The following ADAMTS3 variants were observed in gnomAD, a reference collection of about 807,000 sequenced individuals.
The protein encoded by ADAMTS3 is ADAM metallopeptidase with thrombospondin type 1 motif 3, also known as A disintegrin and metalloproteinase with thrombospondin motifs 3.
Under a neutral mutation model 129.0 loss-of-function variants are expected in ADAMTS3, and 73 were observed. That is an observed-to-expected ratio of 0.57 (90% CI 0.47 to 0.69). ADAMTS3 has a LOEUF of 0.69. ADAMTS3 is among the 30% of genes least tolerant of loss of function. The probability of loss-of-function intolerance (pLI) is 0.00; values close to 1 mark genes in which losing one functional copy is unlikely to be tolerated. For missense variants in ADAMTS3, 1,457 were observed against 1,514.5 expected, an observed-to-expected ratio of 0.96 and a Z score of 0.63; for synonymous variants, 477 against 510.8, an observed-to-expected ratio of 0.93 and a Z score of 0.89.
At position 72,519,540 on chromosome 4, in the gene ADAMTS3, T is replaced by C. The variant is rs181159699; in HGVS notation, c.504+28938A>G. ...TTCTTGGAGGCTTTGTTCATTTCTT[T>C]TTATTCTTTTTTCTCTAAACTTCCC... On this transcript the variant is annotated intron_variant, in intron 3 of 21. Coordinates refer to ENST00000286657, the MANE Select transcript of ADAMTS3 (RefSeq NM_014243.3). Among the ~76,000 whole-genome samples the C allele has an allele frequency of 5.4e-3, 822 of 152,274 alleles. 13 individuals are homozygous for C. The highest frequency in any genetic ancestry group is 0.019 in the African/African-American group (780 of 41,530).
At chr4:72,337,740 G>T (rs529364188) in intron 5 of ADAMTS3, among the ~76,000 whole-genome samples, 22 of 152,198 alleles carry the variant, frequency 1.4e-4, no homozygotes, top group African/African-American at 5.1e-4. Flanking sequence ...TAGCATTTAT[G>T]ATATACTGCC....
At chr4:72,428,553 A>AT (rs1258864349) in intron 3 of ADAMTS3, among the ~76,000 whole-genome samples, 1 of 152,008 alleles carries the variant, frequency 6.6e-6, no homozygotes, top group Non-Finnish European at 1.5e-5. Flanking sequence ...TTAAATGCTC[A>AT]TTTTTTTATG....
intron 3 of ADAMTS3, among the ~76,000 whole-genome samples, chr4:72,521,476 A>T (rs1720670474): frequency 6.6e-6 from 1 of 152,174 alleles, no homozygotes; most frequent in Non-Finnish European, 1.5e-5. Context: ...ATTTTGTTTC[A>T]AGCTCACTGA....
At chr4:72,285,412 A>C (rs1718478393) in intron 21 of ADAMTS3, among the ~76,000 whole-genome samples, 1 of 152,090 alleles carries the variant, frequency 6.6e-6, no homozygotes, top group Non-Finnish European at 1.5e-5. Context: ...AAATAAGAAA[A>C]ATGTCTTCTT....
intron 4 of ADAMTS3, among the ~76,000 whole-genome samples, chr4:72,357,570 T>C (rs1431626613): frequency 6.6e-6 from 1 of 151,868 alleles, no homozygotes; most frequent in East Asian, 1.9e-4. Flanking sequence ...TACATATATG[T>C]GTGTGAATGT....
chr4:72,548,690 T>G lies in ADAMTS3; in HGVS notation c.292A>C (p.Asn98His), dbSNP rs1316187236. 6.2e-7 allele frequency: 1 copy of G among 1,614,046 alleles called. No homozygotes were observed. The change falls in exon 3 of 22, where the codon AAC becomes CAC. Residue 98 changes from asparagine (N) to histidine (H), a missense_variant. Physicochemically the swap from Asn to His is moderately conservative, Grantham distance 68 (BLOSUM62 1). Transcript: ENST00000286657. ...GKDFHLRLKP[N>H]TQLVAPGAVV... ...GCCCCAGGAGCTACTAGTTGAGTGTTGGGCTTTAGTCGCAGATGAAAATCT... is the reference window on the plus strand; with the variant it reads ...GCCCCAGGAGCTACTAGTTGAGTGTGGGGCTTTAGTCGCAGATGAAAATCT...
chr4:72,523,291 CTT>C (rs1366386047), intron 3 of ADAMTS3, among the ~76,000 whole-genome samples: 6 of 152,022 alleles, frequency 3.9e-5, no homozygotes, highest in Admixed American at 1.3e-4. Flanking sequence ...AGTAATATCT[CTT>C]TGTTTATTTC....
chr4:72,306,134 G>T, intron 15 of ADAMTS3, 67 bp from the exon 16 acceptor site: 1 of 1,224,164 alleles, frequency 8.2e-7, no homozygotes, highest in Non-Finnish European at 1.2e-6. Context: ...ATGGTTAGTT[G>T]AGCACTACAT....
intron 3 of ADAMTS3, among the ~76,000 whole-genome samples, chr4:72,435,777 G>T (rs2109953732): frequency 6.6e-6 from 1 of 152,022 alleles, no homozygotes. Context: ...TTAATAAATG[G>T]TGCTGAGAAA....
chr4:72,337,566 T>C (rs1188219578), intron 5 of ADAMTS3, among the ~76,000 whole-genome samples: 1 of 152,164 alleles, frequency 6.6e-6, no homozygotes, highest in African/African-American at 2.4e-5. Context: ...AATTTTGTAA[T>C]GATGAAAACT....
intron 17 of ADAMTS3, 124 bp from the exon 18 acceptor site, chr4:72,298,566 TATA>T (rs878954128): frequency 1.1e-4 from 75 of 701,722 alleles, no homozygotes; most frequent in South Asian, 3.0e-4. Flanking sequence ...TTTCAAAAAT[TATA>T]ATGTTTTTAT....
At chr4:72,514,388 A>T (rs911115593) in intron 3 of ADAMTS3, among the ~76,000 whole-genome samples, 1 of 152,146 alleles carries the variant, frequency 6.6e-6, no homozygotes, top group African/African-American at 2.4e-5. Flanking sequence ...ACATGAATCT[A>T]TTGAGGGTGG....
intron 3 of ADAMTS3, among the ~76,000 whole-genome samples, chr4:72,523,259 A>G (rs966225803): frequency 3.9e-5 from 6 of 152,088 alleles, no homozygotes; most frequent in Non-Finnish European, 5.9e-5. Context: ...AACTTTTACA[A>G]TTTTTACAAT....
intron 4 of ADAMTS3, among the ~76,000 whole-genome samples, chr4:72,342,675 A>G (rs1331829857): frequency 2.0e-5 from 3 of 152,014 alleles, no homozygotes; most frequent in African/African-American, 7.2e-5. Context: ...CCTGGCCCCA[A>G]TTACTTCTGT....
rs756072715 is a variant in ADAMTS3, at chr4:72,304,018, G to A, written c.2323C>T (p.Arg775Trp). 63 of 1,613,542 alleles carry A rather than the reference G, an allele frequency of 3.9e-5. No homozygotes were observed. The highest frequency in any genetic ancestry group is 4.9e-5 in the Non-Finnish European group (58 of 1,179,714). The change falls in exon 17 of 22, where the codon CGG (arginine) becomes TGG (tryptophan). Residue 775 changes from arginine (R) to tryptophan (W), a missense_variant. Coordinates refer to ENST00000286657, the MANE Select transcript of ADAMTS3 (RefSeq NM_014243.3). ...LNGKGEEAKS[R>W]TFIDLGVEWD... ...TCCACACCAAGATCTATGAAGGTCC[G>A]CGACTTGGCTTCCTCCCCTTTGCCA...
At chr4:72,446,080 C>T (rs1159802845) in intron 3 of ADAMTS3, among the ~76,000 whole-genome samples, 1 of 151,624 alleles carries the variant, frequency 6.6e-6, no homozygotes, top group African/African-American at 2.4e-5. Context: ...GACTCAGTTG[C>T]TCAACTTGAC....
chr4:72,523,582 A>C (rs768390694), intron 3 of ADAMTS3, among the ~76,000 whole-genome samples: 1 of 152,242 alleles, frequency 6.6e-6, no homozygotes, highest in South Asian at 2.1e-4. Flanking sequence ...AAGATTAAAA[A>C]CAAAGATCTA....
At position 72,288,787 on chromosome 4, in the gene ADAMTS3, C is replaced by T; in HGVS notation, c.3013G>A (p.Glu1005Lys). 6.2e-7 allele frequency: 1 copy of T among 1,613,990 alleles called. No individual in the cohort carries two copies. The highest frequency in any genetic ancestry group is 8.5e-7 in the Non-Finnish European group (1 of 1,179,952). The change falls in exon 21 of 22, where the codon GAG becomes AAG. Residue 1005 changes from glutamate (E) to lysine (K), a missense_variant. By Grantham distance (56) the Glu-to-Lys change is moderately conservative. Coordinates refer to ENST00000286657, the MANE Select transcript of ADAMTS3 (RefSeq NM_014243.3). Reference sequence around the variant, plus strand: ...GGCAGTTGACAGGCTCTGACCGACTCAGGCTTTTCACCATCACAGTGGTCC... The same window carrying T: ...GGCAGTTGACAGGCTCTGACCGACTTAGGCTTTTCACCATCACAGTGGTCC... ...AGDHCDGEKP[E>K]SVRACQLPPC...
chr4:72,377,419 A>C (rs906189541), intron 4 of ADAMTS3, among the ~76,000 whole-genome samples: 19 of 152,192 alleles, frequency 1.2e-4, no homozygotes, highest in African/African-American at 4.6e-4. Flanking sequence ...GAAATACCAA[A>C]GAGGAAAAAG....
Sources: allele counts gnomAD v4.1 joint callset (sites outside exome capture counted in the v4.1 genomes callset), GRCh38; gene constraint gnomAD v4.1.1; transcripts MANE v1.5; gene names NCBI Gene and HGNC (gene_info 2026-07-23, HGNC 2026-07-21).